Variants in PHF21B observed in about 807,000 individuals in gnomAD.
PHF21B encodes PHD finger protein 4.
In PHF21B, 22 loss-of-function variants were observed where a neutral mutation model predicts 62.2. The ratio of observed to expected loss-of-function variants is 0.35; its 90% CI spans 0.25 to 0.51. The LOEUF (loss-of-function observed/expected upper bound fraction) is 0.51. Ranked by LOEUF, PHF21B falls within the 20% of genes least tolerant of loss-of-function variation. The pLI is 0.97. For synonymous variants in PHF21B, 341 were observed against 314.7 expected (o/e 1.08, Z -0.88); for missense variants, 701 against 707.9 (o/e 0.99, Z 0.11).
intron 2 of PHF21B, among the ~76,000 whole-genome samples, chr22:44,928,312 G>A (rs2071673153): frequency 6.6e-6 from 1 of 152,186 alleles, no homozygotes; most frequent in Non-Finnish European, 1.5e-5. Flanking sequence ...CTGTCCCATT[G>A]GTTACAAGCA....
chr22:44,961,733 C>T (rs1047387261), intron 2 of PHF21B, among the ~76,000 whole-genome samples: 1 of 151,850 alleles, frequency 6.6e-6, no homozygotes, highest in African/African-American at 2.4e-5. Context: ...CCCAGCTATT[C>T]GAGAGGCAGA....
chr22:44,926,786 G>A (rs898887662), intron 2 of PHF21B, among the ~76,000 whole-genome samples: 5 of 152,280 alleles, frequency 3.3e-5, no homozygotes, highest in South Asian at 4.1e-4. Flanking sequence ...ATCCGTGTCC[G>A]GGTGTTGCTG....
chr22:44,992,226 C>T (rs1218500310), intron 2 of PHF21B, among the ~76,000 whole-genome samples: 2 of 152,234 alleles, frequency 1.3e-5, no homozygotes, highest in African/African-American at 2.4e-5. Context: ...AGGGGAGGAC[C>T]CTTGGAGTGT....
At chr22:44,956,715 G>A (rs960585059) in intron 2 of PHF21B, among the ~76,000 whole-genome samples, 1 of 152,142 alleles carries the variant, frequency 6.6e-6, no homozygotes, top group Non-Finnish European at 1.5e-5. Context: ...CACCGGAAAG[G>A]CCCAGGGGAC....
chr22:45,007,910 AG>A (rs953020385), intron 2 of PHF21B, among the ~76,000 whole-genome samples: 18 of 148,560 alleles, frequency 1.2e-4, no homozygotes, highest in South Asian at 1.1e-3. Flanking sequence ...GGGGGCCCGG[AG>A]GGGGGGGAGC....
At chr22:44,968,432 T>C (rs978381975) in intron 2 of PHF21B, among the ~76,000 whole-genome samples, 22 of 152,032 alleles carry the variant, frequency 1.4e-4, no homozygotes, top group Non-Finnish European at 2.4e-4. Context: ...TCACTTGAGG[T>C]CAGGAGTTCG....
chr22:44,899,575 C>G (rs2071121235), intron 5 of PHF21B, among the ~76,000 whole-genome samples: 1 of 152,132 alleles, frequency 6.6e-6, no homozygotes, highest in African/African-American at 2.4e-5. Context: ...CAGGCGTGAC[C>G]TACCACACCC....
rs2147297656 is a variant in PHF21B, at chr22:44,914,007, G to T, written c.646C>A (p.Pro216Thr). The T allele has an allele frequency of 7.9e-7, 1 of 1,259,240 alleles. No individual in the cohort carries two copies. The highest frequency in any genetic ancestry group is 1.2e-6 in the Non-Finnish European group (1 of 859,854). 78.0% of individuals were successfully genotyped at this position (1,259,240 alleles called of 1,614,324 possible). A position where few individuals can be genotyped will look rare whatever the true frequency, so the allele number is the denominator to read the frequency against. ...GGTGAAGGGGACAGTGATGGGGAGG[G>T]AGGGGTGAGGGGAAGAGAGGAGGGG... ...LHPSSLPLTPPSPSLSPSPLH... is the reference protein window; with the variant it reads ...LHPSSLPLTPTSPSLSPSPLH... Residue 216 changes from proline (P) to threonine (T), a missense_variant, in exon 5 of 13, where the codon CCC becomes ACC. Physicochemically the swap from Pro to Thr is conservative, Grantham distance 38 (BLOSUM62 -1). Transcript: ENST00000313237.
Position 44,918,513 on chromosome 22 carries a change from C to T in PHF21B, c.214-1883G>A, listed in dbSNP as rs558502551. Among the ~76,000 whole-genome samples the T allele has an allele frequency of 1.1e-4, 16 of 152,304 alleles. No individual in the cohort carries two copies. In the South Asian group the frequency reaches 1.9e-3, roughly 18 times the overall value. ...TCCTGGCCTGTATGCAGCCCCAGGCCGGGAAGCCCCCGGGTCCACCCTGTC... is the reference window on the plus strand; with the variant it reads ...TCCTGGCCTGTATGCAGCCCCAGGCTGGGAAGCCCCCGGGTCCACCCTGTC... On this transcript the variant is annotated intron_variant, in intron 3 of 12. Coordinates refer to ENST00000313237, the MANE Select transcript of PHF21B (RefSeq NM_138415.5).
At position 45,009,742 on chromosome 22, in the gene PHF21B, G is replaced by T; in HGVS notation, c.-193C>A. ...GGAAGACAGGCTTCCGGGCGCCGCG[G>T]CGCCGAGCCCTCGGCTGCCCCAACT... On this transcript the variant is annotated 5_prime_UTR_variant, in exon 1 of 13. Transcript: ENST00000313237. The surrounding 1 kb of genome is among the most constrained non-coding windows in gnomAD (Gnocchi z 5.9). The T allele has an allele frequency of 2.1e-6, 1 of 475,798 alleles. No homozygotes were observed. The highest frequency in any genetic ancestry group is 3.6e-6 in the Non-Finnish European group (1 of 277,184). The allele number at this position is 475,798 out of a possible 1,614,324, so 29.5% of individuals were successfully genotyped here. A position where few individuals can be genotyped will look rare whatever the true frequency, so the allele number is the denominator to read the frequency against.
chr22:44,889,056 T>C (rs1410605277), intron 9 of PHF21B, among the ~76,000 whole-genome samples: 3 of 152,200 alleles, frequency 2.0e-5, no homozygotes, highest in Non-Finnish European at 4.4e-5. Context: ...TGCAGGGCTA[T>C]TGTGAAAATG....
chr22:44,955,565 G>T (rs2072279354), intron 2 of PHF21B, among the ~76,000 whole-genome samples: 1 of 152,208 alleles, frequency 6.6e-6, no homozygotes, highest in African/African-American at 2.4e-5. Context: ...GAACAAAAAG[G>T]CGGGGAAGGG....
chr22:44,963,436 G>A (rs2072464274), intron 2 of PHF21B, among the ~76,000 whole-genome samples: 1 of 152,198 alleles, frequency 6.6e-6, no homozygotes, highest in South Asian at 2.1e-4. Flanking sequence ...TGACTTCTAT[G>A]AAGCCCTCAC....
At chr22:45,003,797 G>A (rs961005287) in intron 2 of PHF21B, among the ~76,000 whole-genome samples, 1 of 152,192 alleles carries the variant, frequency 6.6e-6, no homozygotes, top group African/African-American at 2.4e-5. Flanking sequence ...TCTACAGGGC[G>A]GGAAGTCCTG....
rs942352309 is a variant in PHF21B at position 44,885,656 on chromosome 22, G to A, written c.1274-127C>T. The A allele has an allele frequency of 1.0e-5, 11 of 1,063,832 alleles. No homozygotes were observed. In the East Asian group the frequency reaches 2.3e-4, roughly 22 times the overall value. The allele number at this position is 1,063,832 out of a possible 1,614,324, so 65.9% of individuals were successfully genotyped here. Reference sequence around the variant, plus strand: ...CATCCCCCTGAAGAAGCCAGTGGCTGTGGCCAAATGCACAGGACCTGGAGC... The same window carrying A: ...CATCCCCCTGAAGAAGCCAGTGGCTATGGCCAAATGCACAGGACCTGGAGC... On this transcript the variant is annotated intron_variant, in intron 11 of 12. Transcript: ENST00000313237.
chr22:45,007,747 G>A (rs1280050258), intron 2 of PHF21B, among the ~76,000 whole-genome samples: 1 of 143,972 alleles, frequency 6.9e-6, no homozygotes, highest in Non-Finnish European at 1.5e-5. Flanking sequence ...GAGGGGGCGC[G>A]GCGGGGGAGG....
At chr22:44,890,217 G>A (rs1476341330) in intron 8 of PHF21B, among the ~76,000 whole-genome samples, 1 of 152,192 alleles carries the variant, frequency 6.6e-6, no homozygotes, top group Non-Finnish European at 1.5e-5. Context: ...TGGCCCCTGT[G>A]CTGAGGACAT....
At chr22:45,004,769 T>C (rs529625072) in intron 2 of PHF21B, among the ~76,000 whole-genome samples, 1 of 152,352 alleles carries the variant, frequency 6.6e-6, no homozygotes, top group East Asian at 1.9e-4. Context: ...TAAGTCATGG[T>C]GAAGACACGT....
intron 2 of PHF21B, among the ~76,000 whole-genome samples, chr22:44,958,095 G>A (rs1317842917): frequency 6.6e-6 from 1 of 152,076 alleles, no homozygotes; most frequent in African/African-American, 2.4e-5. Flanking sequence ...ATAGAGACGG[G>A]GTTTCTCCAT....
Sources: allele counts gnomAD v4.1 joint callset (sites outside exome capture counted in the v4.1 genomes callset), GRCh38; gene constraint gnomAD v4.1.1; non-coding constraint Gnocchi (gnomAD v3.1); transcripts MANE v1.5; gene names NCBI Gene and HGNC (gene_info 2026-07-23, HGNC 2026-07-21).